Variants in IFT172 observed in about 807,000 individuals in gnomAD.
The protein encoded by IFT172 is intraflagellar transport 172.
Under a neutral mutation model 248.9 loss-of-function variants are expected in IFT172, and 164 were observed. The ratio of observed to expected loss-of-function variants is 0.66; its 90% confidence interval spans 0.58 to 0.75. IFT172 has a LOEUF of 0.75. Ranked by LOEUF, IFT172 falls within the 30% of genes least tolerant of loss-of-function variation. The pLI is 0.00. For missense variants in IFT172, 1,950 were observed against 2,192.4 expected (o/e 0.89, Z 2.21); for synonymous variants, 729 against 791.6 (o/e 0.92, Z 1.33).
rs772023412 is a variant in IFT172 at position 27,445,976 on chromosome 2, C to A, written c.4768G>T (p.Asp1590Tyr). ...TTGAGGAAGATGAATGCCATGTTAT[C>A]CCAGCCAACTGCCTGCAGCAAAGAA... is the stretch of plus-strand genomic sequence containing the variant. The part of the protein sequence containing the change: ...AGIAAKAVGW[D>Y]NMAFIFLNRF... Residue 1590 changes from aspartate (D) to tyrosine (Y), a missense_variant, in exon 44 of 48, where the codon GAT becomes TAT. By Grantham distance (160) the Asp-to-Tyr change is radical (BLOSUM62 -3). Around this residue, in one of 3 missense-constraint regions of IFT172, gnomAD observed 620 missense variants for 699.0 expected, o/e 0.89. Coordinates refer to ENST00000260570, the MANE Select transcript of IFT172 (RefSeq NM_015662.3). This position sits in a 1 kb window ranked among gnomAD's most constrained non-coding sequence, Gnocchi z 4.4. 6.2e-7 allele frequency: 1 copy of A among 1,614,198 alleles called. No homozygotes were observed. The highest frequency in any genetic ancestry group is 2.2e-5 in the East Asian group (1 of 44,884).
At chr2:27,465,067 G>A (rs926201642) in intron 18 of IFT172, 11 of 222,934 alleles carry the variant, frequency 4.9e-5, no homozygotes, top group African/African-American at 1.6e-4. Context: ...GATTACAGGC[G>A]CCCGCCACTA....
chr2:27,458,981 G>T, intron 25 of IFT172, 113 bp from the exon 26 acceptor site: 1 of 1,035,904 alleles, frequency 9.7e-7, no homozygotes, highest in Non-Finnish European at 1.4e-6. Context: ...ATACAACCTT[G>T]TAATAATAGA....
intron 7 of IFT172, among the ~76,000 whole-genome samples, 167 bp from the exon 8 acceptor site, chr2:27,481,427 A>T (rs1668354474): frequency 7.6e-6 from 1 of 131,544 alleles, no homozygotes; most frequent in Non-Finnish European, 1.6e-5. Context: ...ACAAATTGTC[A>T]CACACACACA....
intron 10 of IFT172, among the ~76,000 whole-genome samples, chr2:27,479,013 C>CT (rs1040159793): frequency 1.4e-4 from 21 of 151,282 alleles, no homozygotes; most frequent in Admixed American, 1.1e-3. Context: ...TAAAACTTTT[C>CT]TTTTTTTTTG....
At chr2:27,465,601 A>C (rs1667027814) in intron 17 of IFT172, 83 bp from the exon 18 acceptor site, 1 of 1,528,366 alleles carries the variant, frequency 6.5e-7, no homozygotes, top group African/African-American at 1.4e-5. Context: ...GGGCAAGGGG[A>C]GGGGGAAGGG....
rs758357901 is a variant in IFT172 at position 27,465,881 on chromosome 2, C to T, written c.1694G>A (p.Gly565Asp). 1.1e-5 allele frequency: 18 copies of T among 1,613,908 alleles called. No homozygotes were observed. The highest frequency in any genetic ancestry group is 2.7e-5 in the African/African-American group (2 of 74,880). Residue 565 changes from glycine to aspartate, a missense_variant and splice_region_variant, in exon 17 of 48, where the codon GGT becomes GAT. This residue lies in a region of IFT172 where 1,166 missense variants were observed against 1,254.1 expected (regional missense o/e 0.93). Transcript: ENST00000260570. ...PERVTMFTIR[G>D]DVIGLERGGG... ...GCCCCGCTCCAGACCTATAACATCA[C>T]CCTGTAAAAGTTTATCCCCCAACCC...
chr2:27,477,938 A>C, intron 11 of IFT172, 57 bp downstream of exon 11: 1 of 1,602,308 alleles, frequency 6.2e-7, no homozygotes, highest in Non-Finnish European at 8.5e-7. Flanking sequence ...TTGGGTCCCC[A>C]CAAATATTAA....
chr2:27,470,705 G>T, intron 16 of IFT172: 1 of 396,894 alleles, frequency 2.5e-6, no homozygotes, highest in Non-Finnish European at 4.4e-6. Flanking sequence ...TGACTTCCCG[G>T]GGCCACTGTA....
chr2:27,450,948 CCTG>C (rs920775407), intron 35 of IFT172, among the ~76,000 whole-genome samples: 8 of 115,748 alleles, frequency 6.9e-5, no homozygotes, highest in African/African-American at 3.4e-4. Context: ...ATTATTTTTA[CCTG>C]TTTTTTTTTT....
rs1668095420 is a variant in IFT172, at chr2:27,478,058, G to GT, written c.1103dup (p.Tyr368Ter). 1 of 1,614,204 alleles carries GT rather than the reference G, an allele frequency of 6.2e-7. No individual in the cohort carries two copies. Among genetic ancestry groups the GT allele is most frequent in the Non-Finnish European group, 8.5e-7 (1 of 1,180,036 alleles). Residue 368 changes from tyrosine (Y) to a stop codon, truncating the protein, a stop_gained and frameshift_variant, in exon 11 of 48, where the codon TAC (tyrosine) becomes TAAC (stop). Transcript: ENST00000260570. LOFTEE classifies it high-confidence loss of function. ...GTGTTTCTGATGTGTGAGCCACCAAGTAACGTTCCTTTCCTAGGATTTTCA... is the reference window on the plus strand; with the variant it reads ...GTGTTTCTGATGTGTGAGCCACCAAGTTAACGTTCCTTTCCTAGGATTTTCA... ...EEVKILGKERYLVAHTSETLL... is the reference protein window; with the variant it reads ...EEVKILGKER
At position 27,480,094 on chromosome 2, in the gene IFT172, T is replaced by C. The variant is rs1234246059; in HGVS notation, c.841A>G (p.Lys281Glu). 1 of 1,614,090 alleles carries C rather than the reference T, an allele frequency of 6.2e-7. No homozygotes were observed. The highest frequency in any genetic ancestry group is 8.5e-7 in the Non-Finnish European group (1 of 1,179,954). ...RRSIWEEAKP[K>E]EITNLYTITA... ...ATGGTGTATAAATTGGTAATCTCCT[T>C]GGGCTTTGCCTCTTCCCAGATGCTT... The change falls in exon 9 of 48, where the codon AAG becomes GAG. Residue 281 changes from lysine (K) to glutamate (E), a missense_variant. This residue lies in a region of IFT172 where 1,166 missense variants were observed against 1,254.1 expected (regional missense o/e 0.93). Coordinates refer to ENST00000260570, the MANE Select transcript of IFT172 (RefSeq NM_015662.3).
chr2:27,472,458 A>C, intron 14 of IFT172, 96 bp from the exon 15 acceptor site: 1 of 926,522 alleles, frequency 1.1e-6, no homozygotes, highest in Non-Finnish European at 1.7e-6. Context: ...CTAGGAAGCT[A>C]GGTCTCTTTT....
At chr2:27,448,409 GATT>G (rs979507189) in intron 40 of IFT172, among the ~76,000 whole-genome samples, 6 of 152,204 alleles carry the variant, frequency 3.9e-5, no homozygotes, top group African/African-American at 1.4e-4. Context: ...AACAGTGGCA[GATT>G]ATTAAGTGCT....
intron 39 of IFT172, 43 bp from the exon 40 acceptor site, chr2:27,449,074 G>C: frequency 8.2e-7 from 1 of 1,222,496 alleles, no homozygotes; most frequent in Non-Finnish European, 1.2e-6. Context: ...GCTGGGATCG[G>C]CAAGACCAAG....
In IFT172 at chr2:27,457,669, C is replaced by A. The variant is rs577561592; in HGVS notation, c.3198G>T (p.Arg1066=). ...QEWKATVNMY[R]ASGLWEEAYR... ...AGGCCTCTTCCCAAAGCCCACTGGC[C>A]CGGTACATGTTCACTGTTGCCTTCC... is the stretch of plus-strand genomic sequence containing the variant. The change falls in exon 29 of 48, where the codon CGG becomes CGT. Residue 1066 remains arginine, a synonymous_variant. Coordinates refer to ENST00000260570, the MANE Select transcript of IFT172 (RefSeq NM_015662.3). 3 of 1,614,168 alleles carry A rather than the reference C, an allele frequency of 1.9e-6. No individual in the cohort carries two copies. Among genetic ancestry groups the A allele is most frequent in the East Asian group, 2.2e-5 (1 of 44,878 alleles).
At position 27,445,603 on chromosome 2, in the gene IFT172, T is replaced by C; in HGVS notation, c.4914+142A>G. ...GGATTGGGGGATGCAGTCACAGCCTTTTCTTTCTATTTTGCTTCTACTTTC... is the reference window on the plus strand; with the variant it reads ...GGATTGGGGGATGCAGTCACAGCCTCTTCTTTCTATTTTGCTTCTACTTTC... On this transcript the variant is annotated intron_variant, in intron 45 of 47. Transcript: ENST00000260570. This position sits in a 1 kb window ranked among gnomAD's most constrained non-coding sequence, Gnocchi z 4.4. 7.7e-7 allele frequency: 1 copy of C among 1,297,874 alleles called. No homozygotes were observed. Among genetic ancestry groups the C allele is most frequent in the Non-Finnish European group, 1.1e-6 (1 of 939,976 alleles). 80.4% of individuals were successfully genotyped at this position (1,297,874 alleles called of 1,614,324 possible). A position where few individuals can be genotyped will look rare whatever the true frequency, so the allele number is the denominator to read the frequency against.
chr2:27,451,477 C>T (rs1320753731), intron 35 of IFT172, among the ~76,000 whole-genome samples: 1 of 152,110 alleles, frequency 6.6e-6, no homozygotes, highest in East Asian at 1.9e-4. Context: ...TTTAAGACCT[C>T]AAAAGGCCAG....
intron 21 of IFT172, 54 bp from the exon 22 acceptor site, chr2:27,461,571 C>A: frequency 6.3e-7 from 1 of 1,594,156 alleles, no homozygotes; most frequent in Non-Finnish European, 8.6e-7. Context: ...TACCCTTCTG[C>A]CTCCCATGCT....
rs137906877 is a variant in IFT172, at chr2:27,461,361, G to A, written c.2350C>T (p.Arg784Trp). The part of the protein sequence containing the change: ...LKAGLPAKAA[R>W]LVLTREELLA... Reference sequence around the variant, plus strand: ...AGTTCCTCTCGGGTCAGCACCAGCCGAGCAGCTTTGGCAGGGAGCCCAGCT... The same window carrying A: ...AGTTCCTCTCGGGTCAGCACCAGCCAAGCAGCTTTGGCAGGGAGCCCAGCT... The change falls in exon 22 of 48, where the codon CGG becomes TGG. Residue 784 changes from arginine (R) to tryptophan (W), a missense_variant. By Grantham distance (101) the Arg-to-Trp change is moderately radical. Transcript: ENST00000260570. 225 of 1,614,018 alleles carry A rather than the reference G, an allele frequency of 1.4e-4. No individual in the cohort carries two copies. The highest frequency in any genetic ancestry group is 2.4e-4 in the African/African-American group (18 of 74,884).
Sources: gnomAD v4.1 joint callset for allele counts (sites outside exome capture counted in the v4.1 genomes callset) on GRCh38, gnomAD v4.1.1 for gene constraint, gnomAD v4.1.1 regional missense constraint, Gnocchi (gnomAD v3.1) non-coding constraint, MANE v1.5 for transcripts, NCBI Gene and HGNC (gene_info 2026-07-23, HGNC 2026-07-21) for gene names.